Variants in DGLUCY observed in about 807,000 individuals in gnomAD.
The protein encoded by DGLUCY is D-glutamate cyclase, mitochondrial.
Under a neutral mutation model 58.5 loss-of-function variants are expected in DGLUCY, and 58 were observed. The observed-to-expected ratio is 0.99, with a 90% CI of 0.80 to 1.23. The LOEUF (loss-of-function observed/expected upper bound fraction) is 1.23, where lower values mean the gene tolerates loss of function less well. DGLUCY is among the 50% of genes most tolerant of loss of function. The probability of loss-of-function intolerance (pLI) is 0.00; values close to 1 mark genes in which losing one functional copy is unlikely to be tolerated. For missense variants in DGLUCY, 779 were observed against 784.7 expected (o/e 0.99, Z 0.09); for synonymous variants, 325 against 314.1 (o/e 1.03, Z -0.37).
intron 1 of DGLUCY, chr14:91,148,730 G>C (rs111564015): frequency 7.9e-5 from 12 of 151,970 alleles, no homozygotes; most frequent in African/African-American, 2.9e-4. Context: ...AGGATCACTT[G>C]AGCTCAAGAG....
At chr14:91,208,204 C>A (rs1292699769) in intron 12 of DGLUCY, among the ~76,000 whole-genome samples, 2 of 152,098 alleles carry the variant, frequency 1.3e-5, no homozygotes, top group African/African-American at 4.8e-5. Context: ...AACTGCCTTG[C>A]AAGAAATGTT....
intron 1 of DGLUCY, among the ~76,000 whole-genome samples, chr14:91,135,906 ACTTGG>A (rs551652725): frequency 1.3e-3 from 198 of 149,762 alleles, no homozygotes; most frequent in African/African-American, 4.6e-3. Context: ...GGTAATTCCA[ACTTGG>A]CTAGGATACA....
At position 91,102,831 on chromosome 14, in the gene DGLUCY, G is replaced by A. The variant is rs566670962; in HGVS notation, c.-82+42127G>A. Among the ~76,000 whole-genome samples the A allele has an allele frequency of 8.0e-5, 12 of 149,146 alleles. 1 individual carries two copies. The highest frequency in any genetic ancestry group is 2.0e-4 in the East Asian group (1 of 4,980). ...TATCACCCAGCAGTGGCGTGATCTC[G>A]GTTCACTGCAACCTTCGCCTCCCAG... On this transcript the variant is annotated intron_variant, in intron 1 of 4. Transcript: ENST00000521334.
chr14:91,073,278 T>A (rs2043954084), intron 1 of DGLUCY, among the ~76,000 whole-genome samples: 1 of 151,532 alleles, frequency 6.6e-6, no homozygotes, highest in South Asian at 2.1e-4. Context: ...CCATCTCTAC[T>A]AAAAGTTCAA....
intron 1 of DGLUCY, among the ~76,000 whole-genome samples, chr14:91,074,085 A>G (rs2043967529): frequency 7.0e-6 from 1 of 143,118 alleles, no homozygotes; most frequent in Non-Finnish European, 1.5e-5. Context: ...ATGAGACCTC[A>G]TCTCTACCAA....
intron 7 of DGLUCY, among the ~76,000 whole-genome samples, chr14:91,178,704 A>G (rs1329400275): frequency 6.6e-6 from 1 of 152,126 alleles, no homozygotes; most frequent in African/African-American, 2.4e-5. Flanking sequence ...TTAGATTTTT[A>G]TTTTGAAGTG....
At chr14:91,187,913 C>T (rs1245541524) in intron 8 of DGLUCY, among the ~76,000 whole-genome samples, 1 of 152,106 alleles carries the variant, frequency 6.6e-6, no homozygotes, top group African/African-American at 2.4e-5. Flanking sequence ...CACTGAAATA[C>T]TTGTGCCCAG....
intron 1 of DGLUCY, among the ~76,000 whole-genome samples, chr14:91,090,427 A>G (rs954984300): frequency 4.3e-4 from 65 of 152,154 alleles, no homozygotes; most frequent in African/African-American, 1.5e-3. Flanking sequence ...ATCCTCTGTG[A>G]GTTTTTAAAA....
chr14:91,088,211 A>G (rs904673986), intron 1 of DGLUCY, among the ~76,000 whole-genome samples: 1 of 152,210 alleles, frequency 6.6e-6, no homozygotes, highest in Non-Finnish European at 1.5e-5. Flanking sequence ...GGAATTAGAA[A>G]ACAGTGACCC....
At chr14:91,077,500 T>C (rs2044043994) in intron 1 of DGLUCY, among the ~76,000 whole-genome samples, 1 of 151,298 alleles carries the variant, frequency 6.6e-6, no homozygotes, top group Non-Finnish European at 1.5e-5. Context: ...ACACCTGTAA[T>C]CCCAGCACTT....
At chr14:91,218,972 G>C (rs1225833388) in intron 13 of DGLUCY, among the ~76,000 whole-genome samples, 3 of 151,798 alleles carry the variant, frequency 2.0e-5, no homozygotes, top group Non-Finnish European at 4.4e-5. Context: ...TTGAGGCCAG[G>C]AGTTCGAGAC....
intron 1 of DGLUCY, among the ~76,000 whole-genome samples, chr14:91,090,682 C>T (rs903000944): frequency 6.6e-6 from 1 of 152,076 alleles, no homozygotes; most frequent in Non-Finnish European, 1.5e-5. Flanking sequence ...CCCCTCTGAC[C>T]CTATTTGGTC....
At chr14:91,065,615 C>A (rs1232005132) in intron 1 of DGLUCY, among the ~76,000 whole-genome samples, 1 of 152,140 alleles carries the variant, frequency 6.6e-6, no homozygotes. Context: ...CTCCCCACAT[C>A]ATTAACCTAA....
intron 12 of DGLUCY, among the ~76,000 whole-genome samples, chr14:91,208,691 G>A (rs1885164892): frequency 6.6e-6 from 1 of 152,114 alleles, no homozygotes; most frequent in Non-Finnish European, 1.5e-5. Context: ...TGAGGCTGCG[G>A]TGAGCCATGA....
At position 91,167,272 on chromosome 14, in the gene DGLUCY, G is replaced by C. The variant is rs1486052700; in HGVS notation, c.151G>C (p.Ala51Pro). The C allele has an allele frequency of 1.2e-6, 2 of 1,612,294 alleles. No homozygotes were observed. Among genetic ancestry groups the C allele is most frequent in the African/African-American group, 1.3e-5 (1 of 74,782 alleles). The change falls in exon 4 of 14, where the codon GCT (alanine) becomes CCT (proline). Residue 51 changes from alanine to proline, a missense_variant. Transcript: ENST00000256324. ...LVVLPRSLAP[A>P]FERFCQVNTG... ...GGTCCTGCCCAGGTCCCTTGCTCCA[G>C]CTTTTGAAAGATTCTGCCAGGTCAA...
intron 1 of DGLUCY, among the ~76,000 whole-genome samples, chr14:91,133,447 T>C (rs1051968125): frequency 6.6e-6 from 1 of 152,238 alleles, no homozygotes; most frequent in Non-Finnish European, 1.5e-5. Flanking sequence ...CTGCTATGAA[T>C]ATTGGTATAC....
Position 91,170,001 on chromosome 14 carries a change from A to G in DGLUCY, c.258-2A>G, listed in dbSNP as rs2048487396. Reference sequence around the variant, plus strand: ...CTCCCAGCTTTCCCCTTATGTCCCCAGGATGGGCCATCCCCAGTTCTGGAA... The same window carrying G: ...CTCCCAGCTTTCCCCTTATGTCCCCGGGATGGGCCATCCCCAGTTCTGGAA... On this transcript the variant is annotated splice_acceptor_variant, in intron 4 of 13. Transcript: ENST00000256324. LOFTEE classifies it high-confidence loss of function. 21 of 1,612,120 alleles carry G rather than the reference A, an allele frequency of 1.3e-5. No individual in the cohort carries two copies. The highest frequency in any genetic ancestry group is 1.7e-5 in the Non-Finnish European group (20 of 1,179,964).
rs1049293560 is a variant in DGLUCY at position 91,181,144 on chromosome 14, G to C, written c.731-42G>C. 3.1e-6 allele frequency: 5 copies of C among 1,589,496 alleles called. No homozygotes were observed. In the Admixed American group the frequency reaches 5.0e-5, roughly 16 times the overall value. ...GGCTAGATGAGGGTAGGCTGGACTTGATGAAGTGGCTGGGCTCAGACCCTC... is the reference window on the plus strand; with the variant it reads ...GGCTAGATGAGGGTAGGCTGGACTTCATGAAGTGGCTGGGCTCAGACCCTC... On this transcript the variant is annotated intron_variant, in intron 7 of 13. Transcript: ENST00000256324.
At chr14:91,167,415 A>T in intron 4 of DGLUCY, 37 bp downstream of exon 4, 2 of 1,613,314 alleles carry the variant, frequency 1.2e-6, no homozygotes, top group Non-Finnish European at 1.7e-6. Flanking sequence ...GAAGCTTGGG[A>T]GTGTCCAGGT....
Sources: allele counts gnomAD v4.1 joint callset (sites outside exome capture counted in the v4.1 genomes callset), GRCh38; gene constraint gnomAD v4.1.1; transcripts MANE v1.5; gene names NCBI Gene and HGNC (gene_info 2026-07-23, HGNC 2026-07-21).